Variants in SNX20 observed in about 807,000 individuals in gnomAD.
The protein encoded by SNX20 is sorting nexin-20.
Under a neutral mutation model 24.5 loss-of-function variants are expected in SNX20, and 21 were observed. The ratio of observed to expected loss-of-function variants is 0.86; its 90% CI spans 0.61 to 1.23. The LOEUF is 1.23. SNX20 is among the 50% of genes most tolerant of loss of function. The pLI, the probability that SNX20 is intolerant of heterozygous loss-of-function variation, is 0.00. For synonymous variants in SNX20, 206 were observed against 192.8 expected, an observed-to-expected ratio of 1.07 and a Z score of -0.57; for missense variants, 433 against 430.8, an observed-to-expected ratio of 1.00 and a Z score of -0.04.
At position 50,677,401 on chromosome 16, in the gene SNX20, G is replaced by A. The variant is rs772669322; in HGVS notation, c.126C>T (p.His42=). 6.9e-6 allele frequency: 11 copies of A among 1,589,836 alleles called. No individual in the cohort carries two copies. In the South Asian group the frequency reaches 1.2e-4, roughly 18 times the overall value. Residue 42 remains histidine (H), a synonymous_variant, in exon 2 of 4, where the codon CAC becomes CAT. Transcript: ENST00000330943. ...PDLPHPGPDG[H]LDTHSGLSSN... ...AGTCTCAAGCCTCAAGCCCACCTAA[G>A]TGCCCGTCAGGTCCTGGGTGCGGGA...
downstream of SNX20, chr16:50,668,301 T>C (rs1962962465): frequency 2.2e-6 from 3 of 1,379,132 alleles, no homozygotes; most frequent in Non-Finnish European, 2.8e-6. Flanking sequence ...CAAAGAGAAG[T>C]CTCAGCTTGG....
In SNX20 at chr16:50,677,454, G is replaced by C. The variant is rs774842861; in HGVS notation, c.73C>G (p.Gln25Glu). 2.2e-5 allele frequency: 35 copies of C among 1,609,732 alleles called. No homozygotes were observed. In the South Asian group the frequency reaches 3.9e-4, roughly 18 times the overall value. ...TCGGGGCCAGTGGCTGGTGCTTCCTGCTGGGTCCTTGCCGTGCACTGGGTT... is the reference window on the plus strand; with the variant it reads ...TCGGGGCCAGTGGCTGGTGCTTCCTCCTGGGTCCTTGCCGTGCACTGGGTT... ...PITQCTARTQ[Q>E]EAPATGPDLP... The change falls in exon 2 of 4, where the codon CAG (glutamine) becomes GAG (glutamate). Residue 25 changes from glutamine (Q) to glutamate (E), a missense_variant. Physicochemically the swap from Gln to Glu is conservative, Grantham distance 29 (BLOSUM62 2). Transcript: ENST00000330943.
Position 50,679,092 on chromosome 16 carries a change from A to G in SNX20, c.-9-1557T>C, listed in dbSNP as rs531862755. Among the ~76,000 whole-genome samples the G allele has an allele frequency of 6.4e-4, 97 of 152,344 alleles. 2 individuals are homozygous for G. Among genetic ancestry groups the G allele is most frequent in the African/African-American group, 2.2e-3 (91 of 41,576 alleles). On this transcript the variant is annotated intron_variant, in intron 1 of 3. Transcript: ENST00000330943. The stretch of plus-strand genomic sequence containing the variant: ...GTATACTGACTGGTTAGGCATGGAA[A>G]TTCAAGACAAGGAAGGTGCAAATGA...
At chr16:50,671,369 TCA>T (rs1208358193), downstream of SNX20, 1 of 152,176 alleles carries the variant, frequency 6.6e-6, no homozygotes, top group East Asian at 1.9e-4. Flanking sequence ...GTTCAAATTC[TCA>T]GAGGAAGTTC....
chr16:50,669,103 C>T, downstream of SNX20: 1 of 1,534,188 alleles, frequency 6.5e-7, no homozygotes. Context: ...CCTGTCTCGC[C>T]ACGTGACCCT....
downstream of SNX20, chr16:50,668,969 C>A: frequency 1.3e-6 from 2 of 1,542,354 alleles, no homozygotes; most frequent in South Asian, 2.4e-5. Flanking sequence ...CCCTGCACCC[C>A]TAGGCCCAGC....
In SNX20 at chr16:50,677,357, A is replaced by G. The variant is rs376333859; in HGVS notation, c.130+40T>C. ...CCACATTTGTACTTTGAATGTCTTC[A>G]GACCTCTCCCCCAGACCGAGTCTCA... On this transcript the variant is annotated intron_variant, in intron 2 of 3. Coordinates refer to ENST00000330943, the MANE Select transcript of SNX20 (RefSeq NM_182854.4). 5.0e-5 allele frequency: 76 copies of G among 1,528,620 alleles called. 1 individual carries two copies. The Middle Eastern group carries it at 8.8e-4, about 18-fold the overall frequency. The allele number at this position is 1,528,620 out of a possible 1,614,324, so 94.7% of individuals were successfully genotyped here.
intron 1 of SNX20, among the ~76,000 whole-genome samples, chr16:50,680,661 T>C (rs992361785): frequency 2.6e-5 from 4 of 152,114 alleles, no homozygotes; most frequent in African/African-American, 9.7e-5. Context: ...GTTGGATGTG[T>C]GGCTGCCTCT....
At chr16:50,676,189 G>A (rs1439516194) in intron 2 of SNX20, among the ~76,000 whole-genome samples, 1 of 151,782 alleles carries the variant, frequency 6.6e-6, no homozygotes, top group Non-Finnish European at 1.5e-5. Flanking sequence ...TGCGGTGCGG[G>A]CACTTTGCAT....
chr16:50,673,465 T>A lies in SNX20; in HGVS notation c.892A>T (p.Arg298Trp). The part of the protein sequence containing the change: ...QERLEESQLR[R>W]PTPRGITLKE... ...AGGGTGATGCCTCGGGGCGTGGGCC[T>A]CCGGAGCTGGCTCTCCTCCAGCCTC... The change falls in exon 4 of 4, where the codon AGG becomes TGG. Residue 298 changes from arginine to tryptophan, a missense_variant. By Grantham distance (101) the Arg-to-Trp change is moderately radical (BLOSUM62 -3). Coordinates refer to ENST00000330943, the MANE Select transcript of SNX20 (RefSeq NM_182854.4). This position sits in a 1 kb window ranked among gnomAD's most constrained non-coding sequence, Gnocchi z 4.1. 1.9e-6 allele frequency: 3 copies of A among 1,602,188 alleles called. No homozygotes were observed. Among genetic ancestry groups the A allele is most frequent in the Non-Finnish European group, 2.6e-6 (3 of 1,175,202 alleles).
Position 50,679,998 on chromosome 16 carries a change from C to T in SNX20, c.-10+1192G>A, listed in dbSNP as rs190749083. On this transcript the variant is annotated intron_variant, in intron 1 of 3. Coordinates refer to ENST00000330943, the MANE Select transcript of SNX20 (RefSeq NM_182854.4). Reference sequence around the variant, plus strand: ...CTGTAAGACCCTAGAAATGATGCCTCGGCTTGACACTCCAGTAAAGACTGA... The same window carrying T: ...CTGTAAGACCCTAGAAATGATGCCTTGGCTTGACACTCCAGTAAAGACTGA... Among the ~76,000 whole-genome samples, 7 of 152,318 alleles carry T rather than the reference C, an allele frequency of 4.6e-5. No individual in the cohort carries two copies. In the East Asian group the frequency reaches 9.6e-4, roughly 21 times the overall value.
chr16:50,677,097 G>A (rs1963198175), intron 2 of SNX20, among the ~76,000 whole-genome samples: 2 of 152,172 alleles, frequency 1.3e-5, no homozygotes, highest in African/African-American at 4.8e-5. Flanking sequence ...ATGTTCCAGG[G>A]TCTCCCAGAA....
rs1349783497 is a variant in SNX20, at chr16:50,673,936, G to C, written c.421C>G (p.Pro141Ala). 6.2e-7 allele frequency: 1 copy of C among 1,612,796 alleles called. No homozygotes were observed. The highest frequency in any genetic ancestry group is 2.2e-5 in the East Asian group (1 of 44,790). The change falls in exon 4 of 4, where the codon CCC becomes GCC. Residue 141 changes from proline to alanine, a missense_variant. By Grantham distance (27) the Pro-to-Ala change is conservative. Transcript: ENST00000330943. The surrounding 1 kb of genome is among the most constrained non-coding windows in gnomAD (Gnocchi z 4.1). ...FREEIEDVEF[P>A]RKHLTGNFAE... ...AAGTTCCCAGTCAGGTGCTTCCTGGGAAACTCCACGTCTTCGATCTCCTCC... is the reference window on the plus strand; with the variant it reads ...AAGTTCCCAGTCAGGTGCTTCCTGGCAAACTCCACGTCTTCGATCTCCTCC...
chr16:50,680,707 C>G (rs572729491), intron 1 of SNX20, among the ~76,000 whole-genome samples: 1 of 152,134 alleles, frequency 6.6e-6, no homozygotes, highest in Non-Finnish European at 1.5e-5. Context: ...AACAACTGGA[C>G]GCTCACCTGA....
chr16:50,668,214 A>C (rs1374472975), downstream of SNX20: 1 of 1,478,936 alleles, frequency 6.8e-7, no homozygotes, highest in Non-Finnish European at 9.0e-7. Flanking sequence ...CACGGGCAAC[A>C]CGGGATGATC....
chr16:50,668,005 G>T, downstream of SNX20: 2 of 1,551,590 alleles, frequency 1.3e-6, no homozygotes, highest in African/African-American at 2.7e-5. Flanking sequence ...TCCATCTGAG[G>T]GTCTTGATAT....
downstream of SNX20, chr16:50,668,191 G>T (rs1054298075): frequency 3.3e-6 from 5 of 1,507,586 alleles, no homozygotes; most frequent in African/African-American, 7.0e-5. Flanking sequence ...ACCCCAGATG[G>T]TCTGCAGCAA....
chr16:50,677,712 C>T (rs1203510452), intron 1 of SNX20, among the ~76,000 whole-genome samples, 177 bp from the exon 2 acceptor site: 2 of 152,242 alleles, frequency 1.3e-5, no homozygotes, highest in African/African-American at 4.8e-5. Flanking sequence ...GGGTCTGCCC[C>T]TTTGCTGGGC....
chr16:50,674,616 G>A (rs1007575943), intron 3 of SNX20, among the ~76,000 whole-genome samples: 1 of 152,192 alleles, frequency 6.6e-6, no homozygotes, highest in Non-Finnish European at 1.5e-5. Context: ...GCAAGGTGGG[G>A]ACATCTGGGA....
Sources: gnomAD v4.1 joint callset for allele counts (sites outside exome capture counted in the v4.1 genomes callset) on GRCh38, gnomAD v4.1.1 for gene constraint, Gnocchi (gnomAD v3.1) non-coding constraint, MANE v1.5 for transcripts, NCBI Gene and HGNC (gene_info 2026-07-23, HGNC 2026-07-21) for gene names.